Variants in UBE2E2 observed in about 807,000 individuals in gnomAD.
UBE2E2 encodes the protein ubiquitin-conjugating enzyme E2 E2.
UBE2E2 carries 6 observed loss-of-function variants against 24.7 expected under a neutral mutation model. The observed-to-expected ratio is 0.24, with a 90% CI of 0.13 to 0.48. The LOEUF (loss-of-function observed/expected upper bound fraction) is 0.48, where lower values mean the gene tolerates loss of function less well. Among genes scored for constraint, UBE2E2 ranks in the 20% least tolerant of loss-of-function variants. The pLI is 0.99. For missense variants in UBE2E2, 169 were observed against 245.0 expected, an observed-to-expected ratio of 0.69 and a Z score of 2.07; for synonymous variants, 104 against 83.6, an observed-to-expected ratio of 1.24 and a Z score of -1.33.
intron 3 of UBE2E2, among the ~76,000 whole-genome samples, chr3:23,226,775 T>G (rs1696837824): frequency 1.3e-5 from 2 of 152,156 alleles, no homozygotes; most frequent in Admixed American, 6.5e-5. Flanking sequence ...AAATTACCAG[T>G]TGCTGTAGTT....
At chr3:23,501,460 T>C (rs1263002837) in intron 4 of UBE2E2, among the ~76,000 whole-genome samples, 2 of 152,154 alleles carry the variant, frequency 1.3e-5, no homozygotes, top group Non-Finnish European at 2.9e-5. Context: ...GGAGGAAACA[T>C]AGATGAGACT....
At chr3:23,574,960 A>G (rs1368371297) in intron 5 of UBE2E2, among the ~76,000 whole-genome samples, 2 of 152,158 alleles carry the variant, frequency 1.3e-5, no homozygotes, top group Non-Finnish European at 2.9e-5. Context: ...TTGAGCACCT[A>G]CATGACTCTC....
chr3:23,215,915 T>G (rs1274651034), intron 2 of UBE2E2, among the ~76,000 whole-genome samples: 1 of 152,180 alleles, frequency 6.6e-6, no homozygotes, highest in Non-Finnish European at 1.5e-5. Flanking sequence ...TTGAGACTTC[T>G]GTCATTTAAA....
At chr3:23,311,617 A>G (rs1262978977) in intron 3 of UBE2E2, among the ~76,000 whole-genome samples, 5 of 152,026 alleles carry the variant, frequency 3.3e-5, no homozygotes, top group Admixed American at 2.6e-4. Context: ...TTAATCTGGG[A>G]AAAAAAATGG....
chr3:23,433,319 A>C (rs1553611049), intron 3 of UBE2E2, among the ~76,000 whole-genome samples: 1 of 151,972 alleles, frequency 6.6e-6, no homozygotes, highest in Non-Finnish European at 1.5e-5. Flanking sequence ...CATTAAAAAA[A>C]AGCTGAAAAA....
At chr3:23,504,926 T>TTTTTTTTTTTTTTTTTTTTTTTTTTG (rs1232574541) in intron 4 of UBE2E2, among the ~76,000 whole-genome samples, 1 of 147,280 alleles carries the variant, frequency 6.8e-6, no homozygotes, top group African/African-American at 2.5e-5. Flanking sequence ...TTTTTTTTTT[T>TTTTTTTTTTTTTTTTTTTTTTTTTTG]GAGACAGGGT....
At chr3:23,392,438 T>C (rs1281741280) in intron 3 of UBE2E2, among the ~76,000 whole-genome samples, 2 of 152,170 alleles carry the variant, frequency 1.3e-5, no homozygotes, top group East Asian at 1.9e-4. Flanking sequence ...TTCTACTTAC[T>C]AGCTGCTTAG....
chr3:23,479,919 G>A (rs1699221345), intron 3 of UBE2E2, among the ~76,000 whole-genome samples: 2 of 152,118 alleles, frequency 1.3e-5, no homozygotes, highest in Non-Finnish European at 2.9e-5. Flanking sequence ...CCTGGAGAAA[G>A]CACCATCTGG....
chr3:23,308,186 A>G (rs1290923612), intron 3 of UBE2E2, among the ~76,000 whole-genome samples: 1 of 152,238 alleles, frequency 6.6e-6, no homozygotes, highest in Non-Finnish European at 1.5e-5. Context: ...AATATTACTG[A>G]TACCCTTACT....
intron 5 of UBE2E2, among the ~76,000 whole-genome samples, chr3:23,537,076 T>A (rs931602140): frequency 1.3e-5 from 2 of 152,224 alleles, no homozygotes; most frequent in Admixed American, 6.5e-5. Flanking sequence ...TCAGCCACAT[T>A]AAGTGAGGAC....
At position 23,290,777 on chromosome 3, in the gene UBE2E2, G is replaced by A. The variant is rs184173644; in HGVS notation, c.227+73465G>A. ...GGATTTAAAAAATGTTTCTGGCCAG[G>A]CGTGGTGGCTCTCACCTGTAATCCC... On this transcript the variant is annotated intron_variant, in intron 3 of 5. Coordinates refer to ENST00000396703, the MANE Select transcript of UBE2E2 (RefSeq NM_152653.4). 6.0e-5 allele frequency among the ~76,000 whole-genome samples: 9 copies of A among 151,248 alleles called. No homozygotes were observed. The East Asian group carries it at 1.5e-3, about 26-fold the overall frequency.
rs1441931858 is a variant in UBE2E2 at position 23,573,925 on chromosome 3, C to A, written c.509-15809C>A. Among the ~76,000 whole-genome samples the A allele has an allele frequency of 2.0e-5, 3 of 152,118 alleles. No individual in the cohort carries two copies. The East Asian group carries it at 5.8e-4, about 29-fold the overall frequency. ...GACTTAAAAACTTAGCTGATGATGA[C>A]ACACTGTCATTGAAACAATTTCACA... On this transcript the variant is annotated intron_variant, in intron 5 of 5. Coordinates refer to ENST00000396703, the MANE Select transcript of UBE2E2 (RefSeq NM_152653.4).
At chr3:23,334,873 C>T (rs1228318244) in intron 3 of UBE2E2, among the ~76,000 whole-genome samples, 2 of 152,136 alleles carry the variant, frequency 1.3e-5, no homozygotes, top group African/African-American at 4.8e-5. Flanking sequence ...TGTGAATTAT[C>T]CAGAATAGCT....
intron 3 of UBE2E2, among the ~76,000 whole-genome samples, chr3:23,369,482 C>A (rs930115767): frequency 6.6e-6 from 1 of 152,120 alleles, no homozygotes; most frequent in African/African-American, 2.4e-5. Flanking sequence ...CAGTTTCTTG[C>A]AGGTTATTAT....
At chr3:23,539,616 A>C (rs1336628242) in intron 5 of UBE2E2, among the ~76,000 whole-genome samples, 1 of 152,186 alleles carries the variant, frequency 6.6e-6, no homozygotes, top group African/African-American at 2.4e-5. Context: ...TTGACCTATA[A>C]AGTGCTACCA....
At chr3:23,267,767 G>A (rs1399348630) in intron 3 of UBE2E2, among the ~76,000 whole-genome samples, 4 of 150,994 alleles carry the variant, frequency 2.6e-5, no homozygotes, top group African/African-American at 9.8e-5. Flanking sequence ...GAGAATTTTA[G>A]ACCAATATCC....
At chr3:23,518,799 C>T (rs1694800589) in intron 4 of UBE2E2, among the ~76,000 whole-genome samples, 1 of 152,132 alleles carries the variant, frequency 6.6e-6, no homozygotes, top group Non-Finnish European at 1.5e-5. Context: ...TCTCCCCCTC[C>T]CTTATTTCTG....
chr3:23,269,065 G>A lies in UBE2E2; in HGVS notation c.227+51753G>A, dbSNP rs1383854137. On this transcript the variant is annotated intron_variant, in intron 3 of 5. Transcript: ENST00000396703. Reference sequence around the variant, plus strand: ...ACAAAAATTAATTCAAGATGGATTAGAGACTTAAACGTTAGACCTAAAACC... The same window carrying A: ...ACAAAAATTAATTCAAGATGGATTAAAGACTTAAACGTTAGACCTAAAACC... Among the ~76,000 whole-genome samples the A allele has an allele frequency of 7.2e-5, 11 of 151,872 alleles. No individual in the cohort carries two copies. In the East Asian group the frequency reaches 1.7e-3, roughly 24 times the overall value.
chr3:23,354,132 G>T (rs997024054), intron 3 of UBE2E2, among the ~76,000 whole-genome samples: 2 of 152,012 alleles, frequency 1.3e-5, no homozygotes, highest in Admixed American at 6.6e-5. Context: ...AGCAAGCAAT[G>T]GGGAAAGGAT....
Sources: allele counts gnomAD v4.1 joint callset (sites outside exome capture counted in the v4.1 genomes callset), GRCh38; gene constraint gnomAD v4.1.1; transcripts MANE v1.5; gene names NCBI Gene and HGNC (gene_info 2026-07-23, HGNC 2026-07-21).